TRPS1: variants seen among roughly 807,000 people sequenced by gnomAD.
TRPS1 encodes transcriptional repressor GATA binding 1, also known as zinc finger transcription factor Trps1.
In TRPS1, 6 loss-of-function variants were observed where a neutral mutation model predicts 101.2. The observed-to-expected ratio is 0.06, with a 90% CI of 0.03 to 0.12. The LOEUF is 0.12. Among genes scored for constraint, TRPS1 ranks in the 10% least tolerant of loss-of-function variants. TRPS1 has a pLI of 1.00. For synonymous variants in TRPS1, 578 were observed against 589.8 expected (o/e 0.98, Z 0.29); for missense variants, 1,363 against 1,567.0 (o/e 0.87, Z 2.20).
intron 1 of TRPS1, among the ~76,000 whole-genome samples, chr8:115,648,994 C>G (rs971395225): frequency 6.6e-6 from 1 of 152,166 alleles, no homozygotes; most frequent in African/African-American, 2.4e-5. Context: ...TACCACATCC[C>G]TGTCATTCAA....
chr8:115,612,866 A>C (rs1818201349), intron 3 of TRPS1, among the ~76,000 whole-genome samples: 1 of 152,148 alleles, frequency 6.6e-6, no homozygotes. Context: ...GGACACTCTA[A>C]AGGCATTCTG....
chr8:115,663,462 A>G (rs1811852110), intron 1 of TRPS1, among the ~76,000 whole-genome samples: 1 of 152,036 alleles, frequency 6.6e-6, no homozygotes, highest in African/African-American at 2.4e-5. Flanking sequence ...GTGTCTAGCC[A>G]CTTGTAAAGT....
chr8:115,487,505 A>ACTTTT (rs1814913705), intron 5 of TRPS1, among the ~76,000 whole-genome samples: 1 of 152,218 alleles, frequency 6.6e-6, no homozygotes, highest in East Asian at 1.9e-4. Flanking sequence ...GGCAAAGTCA[A>ACTTTT]TTGAAAACCT....
intron 5 of TRPS1, among the ~76,000 whole-genome samples, chr8:115,570,689 T>TCA (rs35198890): frequency 0.073 from 7,014 of 95,670 alleles, 564 homozygotes; most frequent in African/African-American, 0.3. Flanking sequence ...ACACACACAC[T>TCA]CACACACACA....
chr8:115,548,002 G>C (rs1816615135), intron 5 of TRPS1, among the ~76,000 whole-genome samples: 1 of 152,014 alleles, frequency 6.6e-6, no homozygotes, highest in South Asian at 2.1e-4. Flanking sequence ...AGCTGAAGCA[G>C]GAGAACTGCT....
At chr8:115,655,238 T>G (rs575579369) in intron 1 of TRPS1, among the ~76,000 whole-genome samples, 4 of 152,162 alleles carry the variant, frequency 2.6e-5, no homozygotes, top group Non-Finnish European at 5.9e-5. Context: ...AAAACCAAAC[T>G]TGAATGGCAG....
In TRPS1 at chr8:115,640,327, C is replaced by T. The variant is rs572131960; in HGVS notation, c.-121-16569G>A. ...TATGGGAATGATAAAACAATCTCCT[C>T]TGAATTTGATAATGATTATCTTTTC... On this transcript the variant is annotated intron_variant, in intron 1 of 6. Coordinates refer to ENST00000395715, the MANE Select transcript of TRPS1 (RefSeq NM_014112.5). Among the ~76,000 whole-genome samples, 3 of 152,270 alleles carry T rather than the reference C, an allele frequency of 2.0e-5. No homozygotes were observed. In the East Asian group the frequency reaches 5.8e-4, roughly 29 times the overall value.
intron 5 of TRPS1, among the ~76,000 whole-genome samples, chr8:115,434,699 T>C (rs1318745261): frequency 6.6e-6 from 1 of 152,210 alleles, no homozygotes; most frequent in Non-Finnish European, 1.5e-5. Flanking sequence ...ATTGGTTTCT[T>C]TTAGCTGCCT....
chr8:115,639,131 A>G (rs903854125), intron 1 of TRPS1, among the ~76,000 whole-genome samples: 8 of 152,154 alleles, frequency 5.3e-5, no homozygotes, highest in Non-Finnish European at 1.0e-4. Flanking sequence ...TGGCATGATC[A>G]TGGCTCATTG....
chr8:115,446,479 G>A (rs926376019), intron 5 of TRPS1, among the ~76,000 whole-genome samples: 2 of 152,076 alleles, frequency 1.3e-5, no homozygotes, highest in Admixed American at 1.3e-4. Flanking sequence ...ACCACCAAAA[G>A]TGACCTGGGC....
At chr8:115,646,253 T>C (rs1462147131) in intron 1 of TRPS1, among the ~76,000 whole-genome samples, 2 of 152,252 alleles carry the variant, frequency 1.3e-5, no homozygotes, top group East Asian at 1.9e-4. Context: ...TCACAGCCTA[T>C]GGGTGAGAAG....
intron 5 of TRPS1, among the ~76,000 whole-genome samples, chr8:115,426,600 C>A (rs918812275): frequency 3.3e-5 from 5 of 152,080 alleles, no homozygotes; most frequent in Admixed American, 3.3e-4. Flanking sequence ...CTCGAGGCAG[C>A]TATATACAAT....
chr8:115,438,313 A>G (rs573766518), intron 5 of TRPS1, among the ~76,000 whole-genome samples: 3 of 152,232 alleles, frequency 2.0e-5, no homozygotes, highest in Non-Finnish European at 4.4e-5. Context: ...TGTAAAAGGC[A>G]TAACTAGGCA....
intron 5 of TRPS1, among the ~76,000 whole-genome samples, chr8:115,572,022 T>G (rs1045813188): frequency 6.6e-6 from 1 of 152,138 alleles, no homozygotes; most frequent in Non-Finnish European, 1.5e-5. Flanking sequence ...AATTAAACAA[T>G]TAAATTTTTA....
At chr8:115,463,562 A>G (rs972837476) in intron 5 of TRPS1, among the ~76,000 whole-genome samples, 1 of 152,152 alleles carries the variant, frequency 6.6e-6, no homozygotes, top group African/African-American at 2.4e-5. Context: ...GACCACACTC[A>G]GTGAGTGTAT....
intron 3 of TRPS1, among the ~76,000 whole-genome samples, chr8:115,607,975 T>C (rs1818078384): frequency 6.6e-6 from 1 of 152,182 alleles, no homozygotes; most frequent in Admixed American, 6.5e-5. Flanking sequence ...AAATCTATTC[T>C]TTTCTAGGGT....
At chr8:115,667,918 C>G (rs893067847) in intron 1 of TRPS1, 1 of 1,535,336 alleles carries the variant, frequency 6.5e-7, no homozygotes, top group Non-Finnish European at 8.7e-7. Flanking sequence ...TTGTCACGAG[C>G]CCCCAGAAAA....
intron 4 of TRPS1, among the ~76,000 whole-genome samples, chr8:115,591,637 G>A (rs141665717): frequency 1.3e-5 from 2 of 152,250 alleles, no homozygotes; most frequent in East Asian, 3.9e-4. Context: ...AACCGACCTA[G>A]GCAAAACCGC....
At chr8:115,512,107 T>A (rs1815600245) in intron 5 of TRPS1, among the ~76,000 whole-genome samples, 2 of 151,724 alleles carry the variant, frequency 1.3e-5, no homozygotes, top group Admixed American at 1.3e-4. Context: ...CCATTTAAAA[T>A]TTTCTATTTT....
Sources: allele counts gnomAD v4.1 joint callset (sites outside exome capture counted in the v4.1 genomes callset), GRCh38; gene constraint gnomAD v4.1.1; transcripts MANE v1.5; gene names NCBI Gene and HGNC (gene_info 2026-07-23, HGNC 2026-07-21).